The following TDRD5 variants were observed in gnomAD, a reference collection of about 807,000 sequenced individuals.
TDRD5 encodes tudor domain-containing protein 5.
TDRD5 carries 41 observed loss-of-function variants against 120.6 expected under a neutral mutation model. The observed-to-expected ratio is 0.34, with a 90% CI of 0.26 to 0.44. TDRD5 has a LOEUF of 0.44. Among genes scored for constraint, TDRD5 ranks in the 20% least tolerant of loss-of-function variants. The pLI is 1.00. For synonymous variants in TDRD5, 430 were observed against 433.7 expected, an observed-to-expected ratio of 0.99 and a Z score of 0.11; for missense variants, 1,006 against 1,221.2, an observed-to-expected ratio of 0.82 and a Z score of 2.63.
intron 4 of TDRD5, among the ~76,000 whole-genome samples, chr1:179,611,042 T>G (rs1049790824): frequency 4.6e-5 from 7 of 152,084 alleles, no homozygotes; most frequent in African/African-American, 1.7e-4. Context: ...AATTGTATTC[T>G]TAGATATTGT....
At chr1:179,626,736 G>T (rs1276968268) in intron 6 of TDRD5, among the ~76,000 whole-genome samples, 4 of 151,848 alleles carry the variant, frequency 2.6e-5, no homozygotes, top group Non-Finnish European at 4.4e-5. Context: ...CTTTTTCTGT[G>T]TTTGAAATTT....
At chr1:179,654,398 T>A in intron 14 of TDRD5, 36 bp downstream of exon 14, 1 of 1,497,928 alleles carries the variant, frequency 6.7e-7, no homozygotes, top group Non-Finnish European at 8.9e-7. Flanking sequence ...AATATGTAAT[T>A]AATATAATAC....
At chr1:179,657,348 T>C (rs1296045539) in intron 14 of TDRD5, among the ~76,000 whole-genome samples, 5 of 152,176 alleles carry the variant, frequency 3.3e-5, no homozygotes, top group African/African-American at 1.2e-4. Flanking sequence ...ATTTTATACC[T>C]AAGTATTTCA....
chr1:179,595,182 A>C (rs1675323072), intron 3 of TDRD5, among the ~76,000 whole-genome samples: 2 of 152,092 alleles, frequency 1.3e-5, no homozygotes, highest in African/African-American at 4.8e-5. Flanking sequence ...CCTTCCTACA[A>C]ATCTTGAAGA....
At chr1:179,659,091 TA>T (rs1257296853) in intron 14 of TDRD5, among the ~76,000 whole-genome samples, 1 of 152,230 alleles carries the variant, frequency 6.6e-6, no homozygotes, top group Non-Finnish European at 1.5e-5. Context: ...GTCTTTCCAG[TA>T]TAGTATGGTC....
chr1:179,628,319 CTTTTCTTTTTT>C lies in TDRD5; in HGVS notation c.973-2443_973-2433del, dbSNP rs1161665757. Among the ~76,000 whole-genome samples, 68 of 76,298 alleles carry C rather than the reference CTTTTCTTTTTT, an allele frequency of 8.9e-4. 1 individual carries two copies. The East Asian group carries it at 0.015, about 17-fold the overall frequency. 50.1% of individuals were successfully genotyped at this position (76,298 alleles called of 152,430 possible). On this transcript the variant is annotated intron_variant, in intron 6 of 17. Transcript: ENST00000444136. ...TCAATTTATTTATTTCTTTTCTTTT[CTTTTCTTTTTT>C]TTTTTTTTTTTTTTTTTTTTAAGAC...
intron 17 of TDRD5, among the ~76,000 whole-genome samples, chr1:179,680,089 G>A (rs1055593287): frequency 6.6e-6 from 1 of 152,008 alleles, no homozygotes; most frequent in Non-Finnish European, 1.5e-5. Flanking sequence ...CTAGAATTAT[G>A]TTGTTTAATT....
At chr1:179,605,886 A>G (rs542672404) in intron 4 of TDRD5, among the ~76,000 whole-genome samples, 1 of 152,230 alleles carries the variant, frequency 6.6e-6, no homozygotes, top group Non-Finnish European at 1.5e-5. Context: ...TTGTTTCCTC[A>G]TAAAGTTGCT....
Position 179,690,995 on chromosome 1 carries a change from G to A in TDRD5, c.*52G>A, listed in dbSNP as rs192565503. On this transcript the variant is annotated 3_prime_UTR_variant, in exon 18 of 18. Transcript: ENST00000444136. ...AGAATCCAGCCGCTTAGGCTTTGAT[G>A]AACTCCCAGGCCAAAATGAGGAGTT... is the stretch of plus-strand genomic sequence containing the variant. The A allele has an allele frequency of 9.6e-6, 15 of 1,560,810 alleles. No homozygotes were observed. The East Asian group carries it at 2.7e-4, about 28-fold the overall frequency.
At chr1:179,683,279 C>T (rs992120539) in intron 17 of TDRD5, among the ~76,000 whole-genome samples, 1 of 152,146 alleles carries the variant, frequency 6.6e-6, no homozygotes, top group Admixed American at 6.5e-5. Flanking sequence ...TACATTTTGT[C>T]CAGTTTTCCA....
intron 13 of TDRD5, among the ~76,000 whole-genome samples, chr1:179,653,305 T>C (rs1678819717): frequency 6.6e-6 from 1 of 152,204 alleles, no homozygotes. Flanking sequence ...ATATCTGACT[T>C]TTAAAATAAA....
At chr1:179,640,198 C>T in intron 10 of TDRD5, 147 bp downstream of exon 10, 1 of 1,055,324 alleles carries the variant, frequency 9.5e-7, no homozygotes, top group East Asian at 2.5e-5. Flanking sequence ...ACAACTGGGT[C>T]ATTTCATTTC....
At chr1:179,638,661 G>A (rs1677892932) in intron 9 of TDRD5, among the ~76,000 whole-genome samples, 1 of 127,374 alleles carries the variant, frequency 7.9e-6, no homozygotes, top group African/African-American at 2.8e-5. Flanking sequence ...TGTTCACGTG[G>A]TCTTGGGTGT....
At chr1:179,677,376 G>A (rs1455698637) in intron 17 of TDRD5, among the ~76,000 whole-genome samples, 1 of 152,012 alleles carries the variant, frequency 6.6e-6, no homozygotes, top group African/African-American at 2.4e-5. Context: ...ATCTTGGTTT[G>A]AATCCATTGC....
intron 4 of TDRD5, among the ~76,000 whole-genome samples, chr1:179,609,943 CTG>C (rs1676194083): frequency 6.6e-6 from 1 of 152,174 alleles, no homozygotes. Context: ...ATCTCAGAAT[CTG>C]TCTCCTCAAT....
At chr1:179,603,199 G>T (rs1675807669) in intron 4 of TDRD5, among the ~76,000 whole-genome samples, 1 of 152,040 alleles carries the variant, frequency 6.6e-6, no homozygotes, top group African/African-American at 2.4e-5. Context: ...GTGTATAGAA[G>T]GGCTACTGAT....
At chr1:179,607,700 T>A (rs998758856) in intron 4 of TDRD5, among the ~76,000 whole-genome samples, 2 of 152,046 alleles carry the variant, frequency 1.3e-5, no homozygotes, top group East Asian at 1.9e-4. Context: ...CCATCCTTTG[T>A]GCTCTTATTG....
At chr1:179,682,287 C>T (rs564815445) in intron 17 of TDRD5, among the ~76,000 whole-genome samples, 1 of 152,046 alleles carries the variant, frequency 6.6e-6, no homozygotes, top group African/African-American at 2.4e-5. Flanking sequence ...GATACATGAG[C>T]AGAATGTGCA....
At chr1:179,619,625 CT>C (rs1186767641) in intron 5 of TDRD5, among the ~76,000 whole-genome samples, 6,078 of 144,956 alleles carry the variant, frequency 0.042, 281 homozygotes, top group African/African-American at 0.11. Context: ...TTCAATATGA[CT>C]TTTTTTTTTT....
Sources: gnomAD v4.1 joint callset for allele counts (sites outside exome capture counted in the v4.1 genomes callset) on GRCh38, gnomAD v4.1.1 for gene constraint, MANE v1.5 for transcripts, NCBI Gene and HGNC (gene_info 2026-07-23, HGNC 2026-07-21) for gene names.